TBC1D16: variants seen among roughly 807,000 people sequenced by gnomAD.
TBC1D16 encodes TBC1 domain family member 16.
TBC1D16 carries 58 observed loss-of-function variants against 74.7 expected under a neutral mutation model. The ratio of observed to expected loss-of-function variants is 0.78; its 90% confidence interval spans 0.63 to 0.97. The LOEUF (loss-of-function observed/expected upper bound fraction) is 0.97. Ranked by LOEUF, TBC1D16 falls within the 50% of genes least tolerant of loss-of-function variation. The probability of loss-of-function intolerance (pLI) is 0.00; values close to 1 mark genes in which losing one functional copy is unlikely to be tolerated. For missense variants in TBC1D16, 1,014 were observed against 1,079.5 expected, an observed-to-expected ratio of 0.94 and a Z score of 0.85; for synonymous variants, 493 against 474.7, an observed-to-expected ratio of 1.04 and a Z score of -0.50.
chr17:79,995,375 A>G (rs1402691125), intron 3 of TBC1D16, among the ~76,000 whole-genome samples: 1 of 152,110 alleles, frequency 6.6e-6, no homozygotes, highest in African/African-American at 2.4e-5. Flanking sequence ...AAAGCGTCTC[A>G]ATGAAGGAAG....
At chr17:79,960,815 G>GAAAAAAA (rs2033581403) in intron 3 of TBC1D16, among the ~76,000 whole-genome samples, 2 of 87,614 alleles carry the variant, frequency 2.3e-5, no homozygotes, top group African/African-American at 4.7e-5. Context: ...AAAAACGAAG[G>GAAAAAAA]AATGAAACTG....
chr17:79,998,596 C>T (rs1032776963), intron 3 of TBC1D16, among the ~76,000 whole-genome samples: 1 of 150,218 alleles, frequency 6.7e-6, no homozygotes, highest in Admixed American at 6.7e-5. Flanking sequence ...TCACCCACCT[C>T]GGCCTCCCAA....
intron 10 of TBC1D16, among the ~76,000 whole-genome samples, chr17:79,942,759 G>C (rs2032138465): frequency 1.3e-5 from 2 of 152,236 alleles, no homozygotes; most frequent in African/African-American, 4.8e-5. Context: ...TTTGTGGCTA[G>C]AAAAGTGGGA....
At chr17:79,973,688 C>T (rs1160802132) in intron 3 of TBC1D16, among the ~76,000 whole-genome samples, 7 of 147,046 alleles carry the variant, frequency 4.8e-5, no homozygotes, top group Non-Finnish European at 1.0e-4. Flanking sequence ...CCAGCCCAGG[C>T]GACAGAGCGA....
Position 79,933,441 on chromosome 17 carries a change from G to A in TBC1D16, c.*7418C>T, listed in dbSNP as rs963757488. 6.6e-6 allele frequency: 1 copy of A among 152,250 alleles called. No homozygotes were observed. The highest frequency in any genetic ancestry group is 2.4e-5 in the African/African-American group (1 of 41,448). 9.4% of individuals were successfully genotyped at this position (152,250 alleles called of 1,614,324 possible). A position where few individuals can be genotyped will look rare whatever the true frequency, so the allele number is the denominator to read the frequency against. ...TCCCGACGACGATAAAGAGCCAGGA[G>A]CAGAGAGCCCTGCATCTTGCCTGGG... is the stretch of plus-strand genomic sequence containing the variant. On this transcript the variant is annotated 3_prime_UTR_variant, in exon 12 of 12. Coordinates refer to ENST00000310924, the MANE Select transcript of TBC1D16 (RefSeq NM_019020.4).
At chr17:80,027,718 C>T (rs976405746) in intron 1 of TBC1D16, among the ~76,000 whole-genome samples, 1 of 151,624 alleles carries the variant, frequency 6.6e-6, no homozygotes, top group Non-Finnish European at 1.5e-5. Flanking sequence ...ATGGCGAAAC[C>T]CCGTCTCTAC....
Position 79,981,235 on chromosome 17 carries a change from G to A in TBC1D16, c.780-28417C>T, listed in dbSNP as rs924425116. ...AGTTTCAGGGGAGCCAGCATCTTCC[G>A]CACCAATGCACTGCTTGGCCCGGCT... On this transcript the variant is annotated intron_variant, in intron 3 of 11. Transcript: ENST00000310924. This position sits in a 1 kb window ranked among gnomAD's most constrained non-coding sequence, Gnocchi z 6.9. Among the ~76,000 whole-genome samples the A allele has an allele frequency of 3.9e-5, 6 of 152,086 alleles. No individual in the cohort carries two copies. Among genetic ancestry groups the A allele is most frequent in the African/African-American group, 7.2e-5 (3 of 41,418 alleles).
chr17:80,024,450 C>CACACATCATAGA (rs2036429118), intron 1 of TBC1D16, among the ~76,000 whole-genome samples: 12 of 7,132 alleles, frequency 1.7e-3, no homozygotes, highest in South Asian at 2.8e-3. Flanking sequence ...GACACACACA[C>CACACATCATAGA]CACACACACC....
At chr17:80,028,986 T>C (rs2036683384) in intron 1 of TBC1D16, among the ~76,000 whole-genome samples, 1 of 152,136 alleles carries the variant, frequency 6.6e-6, no homozygotes, top group Admixed American at 6.6e-5. Flanking sequence ...AAATAGGCCA[T>C]TGTGTAATTC....
At chr17:79,965,056 C>G (rs2143985857) in intron 3 of TBC1D16, among the ~76,000 whole-genome samples, 1 of 150,080 alleles carries the variant, frequency 6.7e-6, no homozygotes, top group Admixed American at 6.7e-5. Context: ...TTCTGATAAT[C>G]AGAAATAATA....
intron 3 of TBC1D16, chr17:79,992,027 C>G (rs1363003743): frequency 1.3e-5 from 2 of 152,312 alleles, no homozygotes; most frequent in Non-Finnish European, 2.9e-5. Context: ...CAATGTCCTG[C>G]GTACAAGCCT....
At chr17:79,992,325 G>C (rs935866502) in intron 3 of TBC1D16, 1 of 152,284 alleles carries the variant, frequency 6.6e-6, no homozygotes. Context: ...TCGCGCCCGA[G>C]ACCATCTCTC....
At chr17:80,025,153 CCAGGACACACACACCATAGACACACACAT>C (rs2036529109) in intron 1 of TBC1D16, among the ~76,000 whole-genome samples, 1 of 144,830 alleles carries the variant, frequency 6.9e-6, no homozygotes, top group Non-Finnish European at 1.5e-5. Flanking sequence ...CACAAACACA[CCAGGACACACACACCATAGACACACACAT>C]ACCATGACAC....
chr17:80,025,042 GAC>G (rs1568649663), intron 1 of TBC1D16, among the ~76,000 whole-genome samples: 1 of 28,406 alleles, frequency 3.5e-5, no homozygotes, highest in Non-Finnish European at 7.1e-5. Context: ...CACATACCAT[GAC>G]ACAACCAGGC....
chr17:80,032,119 T>A (rs34262564), intron 1 of TBC1D16, among the ~76,000 whole-genome samples: 18,441 of 152,218 alleles, frequency 0.12, 1,410 homozygotes, highest in East Asian at 0.26. Context: ...TCACTCAACA[T>A]GCAAAAAGCA....
At chr17:80,012,877 T>C (rs897943588) in intron 2 of TBC1D16, among the ~76,000 whole-genome samples, 2 of 151,808 alleles carry the variant, frequency 1.3e-5, no homozygotes, top group African/African-American at 4.8e-5. Flanking sequence ...CAGGAAGAAA[T>C]GAGAAGAGAG....
chr17:80,002,111 C>A (rs775770576), intron 3 of TBC1D16, among the ~76,000 whole-genome samples: 2 of 152,136 alleles, frequency 1.3e-5, no homozygotes, highest in Non-Finnish European at 2.9e-5. Context: ...GAGTCCAGGG[C>A]GACACCCCCA....
At chr17:79,972,005 G>C (rs2034128139) in intron 3 of TBC1D16, among the ~76,000 whole-genome samples, 1 of 152,136 alleles carries the variant, frequency 6.6e-6, no homozygotes, top group Non-Finnish European at 1.5e-5. Flanking sequence ...TCGCTCAAAA[G>C]AACTGAAAGC....
rs2035716098 is a variant in TBC1D16, at chr17:80,007,366, C to T, written c.779+2794G>A. Among the ~76,000 whole-genome samples the T allele has an allele frequency of 6.6e-6, 1 of 152,254 alleles. No individual in the cohort carries two copies. Among genetic ancestry groups the T allele is most frequent in the Non-Finnish European group, 1.5e-5 (1 of 68,046 alleles). ...TGCCCTACAAGGGGGTTCTTGGCCGCACTTCACACCCGTGAGGCATCTGCG... is the reference window on the plus strand; with the variant it reads ...TGCCCTACAAGGGGGTTCTTGGCCGTACTTCACACCCGTGAGGCATCTGCG... On this transcript the variant is annotated intron_variant, in intron 3 of 11. Transcript: ENST00000310924. The surrounding 1 kb of genome is among the most constrained non-coding windows in gnomAD (Gnocchi z 4.5).
Sources: allele counts gnomAD v4.1 joint callset (sites outside exome capture counted in the v4.1 genomes callset), GRCh38; gene constraint gnomAD v4.1.1; non-coding constraint Gnocchi (gnomAD v3.1); transcripts MANE v1.5; gene names NCBI Gene and HGNC (gene_info 2026-07-23, HGNC 2026-07-21).